The following BTNL9 variants were observed in gnomAD, a reference collection of about 807,000 sequenced individuals.
The protein encoded by BTNL9 is butyrophilin like 9, also known as butyrophilin-like protein 9.
In BTNL9, 45 loss-of-function variants were observed where a neutral mutation model predicts 45.8. That is an observed-to-expected ratio of 0.98 (90% CI 0.77 to 1.26). BTNL9 has a LOEUF of 1.26. Ranked by LOEUF, BTNL9 falls within the 50% of genes most tolerant of loss-of-function variation. BTNL9 has a pLI of 0.00. For synonymous variants in BTNL9, 346 were observed against 330.8 expected, an observed-to-expected ratio of 1.05 and a Z score of -0.50; for missense variants, 784 against 729.7, an observed-to-expected ratio of 1.07 and a Z score of -0.86.
At position 181,059,587 on chromosome 5, in the gene BTNL9, C is replaced by T. The variant is rs543659011; in HGVS notation, c.1333C>T (p.Pro445Ser). ...CCGCGTCGCGCTCACCCTGCGCGTGCCCCCGCGGCGCCTGGGCGTCTTCCT... is the reference window on the plus strand; with the variant it reads ...CCGCGTCGCGCTCACCCTGCGCGTGTCCCCGCGGCGCCTGGGCGTCTTCCT... Reference protein sequence around the residue: ...PHRVALTLRVPPRRLGVFLDY... With the variant: ...PHRVALTLRVSPRRLGVFLDY... The change falls in exon 11 of 11, where the codon CCC becomes TCC. Residue 445 changes from proline to serine, a missense_variant. Transcript: ENST00000327705. The T allele has an allele frequency of 5.0e-6, 8 of 1,612,818 alleles. No homozygotes were observed. In the Admixed American group the frequency reaches 6.7e-5, roughly 13 times the overall value.
chr5:181,054,303 C>T (rs1761759715), intron 7 of BTNL9, 44 bp downstream of exon 7: 2 of 1,608,122 alleles, frequency 1.2e-6, no homozygotes, highest in Non-Finnish European at 1.7e-6. Context: ...GTCAGCCGGA[C>T]CCTGTGCCTG....
At chr5:181,054,931 T>C in intron 7 of BTNL9, 1 of 985,464 alleles carries the variant, frequency 1.0e-6, no homozygotes, top group Non-Finnish European at 1.2e-6. Flanking sequence ...TGAAAGAGCT[T>C]GACATTGGGT....
In BTNL9 at chr5:181,053,141, C is replaced by A; in HGVS notation, c.737-59C>A. On this transcript the variant is annotated intron_variant, in intron 4 of 10. Coordinates refer to ENST00000327705, the MANE Select transcript of BTNL9 (RefSeq NM_152547.5). This position sits in a 1 kb window ranked among gnomAD's most constrained non-coding sequence, Gnocchi z 6.5. ...CCCGGCACGCGGCGGGCAGGCCGGT[C>A]TCGCCTCTCGGTGCTCAGCGGCGCC... 1 of 1,420,710 alleles carries A rather than the reference C, an allele frequency of 7.0e-7. No homozygotes were observed. The highest frequency in any genetic ancestry group is 1.3e-5 in the South Asian group (1 of 79,368). The allele number at this position is 1,420,710 out of a possible 1,614,324, so 88.0% of individuals were successfully genotyped here. A position where few individuals can be genotyped will look rare whatever the true frequency, so the allele number is the denominator to read the frequency against.
rs1489085612 is a variant in BTNL9 at position 181,061,322 on chromosome 5, G to A, written c.*1460G>A. On this transcript the variant is annotated 3_prime_UTR_variant, in exon 11 of 11. Coordinates refer to ENST00000327705, the MANE Select transcript of BTNL9 (RefSeq NM_152547.5). ...GACAGATGTTCATTGTACTATCAAT[G>A]TGGCTTTGCTGTGGGTTTGAAATTT... 1 of 152,202 alleles carries A rather than the reference G, an allele frequency of 6.6e-6. No individual in the cohort carries two copies. Among genetic ancestry groups the A allele is most frequent in the Non-Finnish European group, 1.5e-5 (1 of 68,038 alleles). The allele number at this position is 152,202 out of a possible 1,614,324, so 9.4% of individuals were successfully genotyped here.
chr5:181,058,461 G>A, intron 10 of BTNL9, 83 bp downstream of exon 10: 1 of 1,597,952 alleles, frequency 6.3e-7, no homozygotes, highest in Non-Finnish European at 8.6e-7. Flanking sequence ...TGAGATTAGA[G>A]GACGGGGCTT....
In BTNL9 at chr5:181,055,891, G is replaced by C. The variant is rs753715689; in HGVS notation, c.929-98G>C. 1.4e-6 allele frequency: 2 copies of C among 1,403,538 alleles called. No homozygotes were observed. Among genetic ancestry groups the C allele is most frequent in the South Asian group, 2.3e-5 (2 of 86,882 alleles). 86.9% of individuals were successfully genotyped at this position (1,403,538 alleles called of 1,614,324 possible). ...GACCCCTGCTGGCTATGTGGGTGGT[G>C]GGGGGTGCGGGACAGGGTGGGTGCA... is the stretch of plus-strand genomic sequence containing the variant. On this transcript the variant is annotated intron_variant, in intron 8 of 10. Transcript: ENST00000327705. This position sits in a 1 kb window ranked among gnomAD's most constrained non-coding sequence, Gnocchi z 4.4.
At position 181,048,123 on chromosome 5, in the gene BTNL9, C is replaced by A. The variant is rs766420726; in HGVS notation, c.306C>A (p.Asn102Lys). 1.9e-6 allele frequency: 3 copies of A among 1,613,688 alleles called. No individual in the cohort carries two copies. Among genetic ancestry groups the A allele is most frequent in the Non-Finnish European group, 2.5e-6 (3 of 1,180,022 alleles). Residue 102 changes from asparagine to lysine, a missense_variant, in exon 3 of 11, where the codon AAC becomes AAA. Transcript: ENST00000327705. ...GCAGGCAGATGCCGGCGTTCCGGAACAGGACCAAGTTGGTCAAGGACGACA... is the reference window on the plus strand; with the variant it reads ...GCAGGCAGATGCCGGCGTTCCGGAAAAGGACCAAGTTGGTCAAGGACGACA... ...LPGRQMPAFR[N>K]RTKLVKDDIA... is the part of the protein sequence containing the mutation.
At position 181,045,595 on chromosome 5, in the gene BTNL9, T is replaced by G. The variant is rs1174164126; in HGVS notation, c.106T>G (p.Ser36Ala). 2 of 1,609,420 alleles carry G rather than the reference T, an allele frequency of 1.2e-6. No homozygotes were observed. Among genetic ancestry groups the G allele is most frequent in the Admixed American group, 1.7e-5 (1 of 59,930 alleles). Residue 36 changes from serine (S) to alanine (A), a missense_variant, in exon 2 of 11, where the codon TCA becomes GCA. Transcript: ENST00000327705. ...CCTCCTTCAGCCTGGGGAGCCGAGC[T>G]CAGGTATTGTGTCTGCAGCCTAGCT... The part of the protein sequence containing the change: ...LLLLQPGEPS[S>A]EVKVLGPEYP...
In BTNL9 at chr5:181,055,555, G is replaced by A. The variant is rs1761832904; in HGVS notation, c.928+102G>A. On this transcript the variant is annotated intron_variant, in intron 8 of 10. Coordinates refer to ENST00000327705, the MANE Select transcript of BTNL9 (RefSeq NM_152547.5). The surrounding 1 kb of genome is among the most constrained non-coding windows in gnomAD (Gnocchi z 4.4). ...GAGGCCGAGGCGGGTGGATCACGAG[G>A]TCAGGAGATCGAGACCAGCCTGGCT... 5.9e-6 allele frequency: 8 copies of A among 1,353,490 alleles called. No homozygotes were observed. Among genetic ancestry groups the A allele is most frequent in the South Asian group, 5.8e-5 (5 of 85,782 alleles). The allele number at this position is 1,353,490 out of a possible 1,614,324, so 83.8% of individuals were successfully genotyped here. A position where few individuals can be genotyped will look rare whatever the true frequency, so the allele number is the denominator to read the frequency against.
rs1760712196 is a variant in BTNL9, at chr5:181,040,311, CACGTCT to C, written c.-143_-138del. On this transcript the variant is annotated 5_prime_UTR_variant, in exon 1 of 11. Transcript: ENST00000327705. ...GGCCTCTGGAGCTCAGCTGCCAGTC[CACGTCT>C]AGGGAATCTTAGCATCTGGGACCAA... 6.6e-6 allele frequency: 1 copy of C among 152,172 alleles called. No individual in the cohort carries two copies. The highest frequency in any genetic ancestry group is 1.5e-5 in the Non-Finnish European group (1 of 68,062). 9.4% of individuals were successfully genotyped at this position (152,172 alleles called of 1,614,324 possible). A position where few individuals can be genotyped will look rare whatever the true frequency, so the allele number is the denominator to read the frequency against.
Position 181,059,474 on chromosome 5 carries a change from G to T in BTNL9, c.1220G>T (p.Arg407Leu). The part of the protein sequence containing the change: ...FLGACLAAVP[R>L]AGPARLSPAA... The stretch of plus-strand genomic sequence containing the variant: ...GGCGCCTGCCTGGCCGCGGTGCCGC[G>T]CGCGGGGCCTGCGCGCCTGAGCCCT... Residue 407 changes from arginine (R) to leucine (L), a missense_variant, in exon 11 of 11, where the codon CGC becomes CTC. Transcript: ENST00000327705. The T allele has an allele frequency of 6.9e-7, 1 of 1,445,838 alleles. No homozygotes were observed. Among genetic ancestry groups the T allele is most frequent in the Non-Finnish European group, 9.0e-7 (1 of 1,107,032 alleles). The allele number at this position is 1,445,838 out of a possible 1,614,324, so 89.6% of individuals were successfully genotyped here. A position where few individuals can be genotyped will look rare whatever the true frequency, so the allele number is the denominator to read the frequency against.
In BTNL9 at chr5:181,055,734, A is replaced by C; in HGVS notation, c.929-255A>C. ...CAGTGAGCCGAGATGGCGCCACTGCACTCCAGCCTGGGCGACAGAGCGAGA... is the reference window on the plus strand; with the variant it reads ...CAGTGAGCCGAGATGGCGCCACTGCCCTCCAGCCTGGGCGACAGAGCGAGA... On this transcript the variant is annotated intron_variant, in intron 8 of 10. Transcript: ENST00000327705. The surrounding 1 kb of genome is among the most constrained non-coding windows in gnomAD (Gnocchi z 4.4). 1.4e-6 allele frequency: 1 copy of C among 701,154 alleles called. No individual in the cohort carries two copies. Among genetic ancestry groups the C allele is most frequent in the Non-Finnish European group, 2.6e-6 (1 of 386,674 alleles). The allele number at this position is 701,154 out of a possible 1,614,324, so 43.4% of individuals were successfully genotyped here.
rs145827131 is a variant in BTNL9, at chr5:181,045,512, C to T, written c.23C>T (p.Pro8Leu). ...GAGATGGTGGACCTCTCAGTCTCCC[C>T]AGACTCCTTGAAGCCAGTATCGCTG... MVDLSVS[P>L]DSLKPVSLTS... The change falls in exon 2 of 11, where the codon CCA becomes CTA. Residue 8 changes from proline to leucine, a missense_variant. Pro to Leu is a moderately conservative substitution (Grantham distance 98). Transcript: ENST00000327705. 6.7e-4 allele frequency: 1,080 copies of T among 1,610,982 alleles called. No homozygotes were observed. The African/African-American group carries it at 8.3e-3, about 12-fold the overall frequency.
chr5:181,044,339 A>G (rs1264791687), intron 1 of BTNL9, among the ~76,000 whole-genome samples: 2 of 152,132 alleles, frequency 1.3e-5, no homozygotes, highest in Non-Finnish European at 2.9e-5. Flanking sequence ...AAGGTCTCGG[A>G]AGAAAAGCCA....
At chr5:181,045,808 T>C in intron 2 of BTNL9, among the ~76,000 whole-genome samples, 2 of 128,014 alleles carry the variant, frequency 1.6e-5, no homozygotes, top group African/African-American at 3.2e-5. Flanking sequence ...CCCCGACACC[T>C]CCTCCACCAT....
chr5:181,059,229 C>T lies in BTNL9; in HGVS notation c.983-8C>T, dbSNP rs1461704200. 1 of 1,536,268 alleles carries T rather than the reference C, an allele frequency of 6.5e-7. No individual in the cohort carries two copies. Among genetic ancestry groups the T allele is most frequent in the East Asian group, 2.6e-5 (1 of 39,194 alleles). ...CCGGGCGGGCACTAACGCTGTGGCT[C>T]TGCGCAGTGGATGTGACGCTGGACC... On this transcript the variant is annotated splice_region_variant and splice_polypyrimidine_tract_variant and intron_variant, in intron 10 of 10. Coordinates refer to ENST00000327705, the MANE Select transcript of BTNL9 (RefSeq NM_152547.5).
chr5:181,051,573 G>A (rs1019617792), intron 4 of BTNL9, among the ~76,000 whole-genome samples: 5 of 152,112 alleles, frequency 3.3e-5, no homozygotes, highest in Non-Finnish European at 7.4e-5. Context: ...ATACGTCTAG[G>A]GCATACAACT....
rs1761729426 is a variant in BTNL9, at chr5:181,053,940, G to A, written c.887-299G>A. On this transcript the variant is annotated intron_variant, in intron 6 of 10. Transcript: ENST00000327705. This position sits in a 1 kb window ranked among gnomAD's most constrained non-coding sequence, Gnocchi z 6.5. The stretch of plus-strand genomic sequence containing the variant: ...AGCCCAGTTACGTGAGGCAGTGTCC[G>A]GGGCTTAACGTTTCCGCCGAGCTAA... 1 of 1,518,996 alleles carries A rather than the reference G, an allele frequency of 6.6e-7. No individual in the cohort carries two copies. Among genetic ancestry groups the A allele is most frequent in the Admixed American group, 2.0e-5 (1 of 50,360 alleles). The allele number at this position is 1,518,996 out of a possible 1,614,324, so 94.1% of individuals were successfully genotyped here.
Position 181,053,326 on chromosome 5 carries a change from C to CGGGCGGCG in BTNL9, c.853+17_853+24dup, listed in dbSNP as rs750431971. 1.2e-4 allele frequency: 184 copies of CGGGCGGCG among 1,541,726 alleles called. No individual in the cohort carries two copies. In the African/African-American group the frequency reaches 2.4e-3, roughly 20 times the overall value. ...CAGCGGAGAAGCCGAGGTACCGGCG[C>CGGGCGGCG]GGGCGGCGGGGCGGGGAGGGGCACC... On this transcript the variant is annotated intron_variant, in intron 5 of 10. Transcript: ENST00000327705. This position sits in a 1 kb window ranked among gnomAD's most constrained non-coding sequence, Gnocchi z 6.5.
Sources: allele counts gnomAD v4.1 joint callset (sites outside exome capture counted in the v4.1 genomes callset), GRCh38; gene constraint gnomAD v4.1.1; non-coding constraint Gnocchi (gnomAD v3.1); transcripts MANE v1.5; gene names NCBI Gene and HGNC (gene_info 2026-07-23, HGNC 2026-07-21).